The following ADGRL3 variants were observed in gnomAD, a reference collection of about 807,000 sequenced individuals.
ADGRL3 encodes the protein calcium-independent alpha-latrotoxin receptor 3.
Under a neutral mutation model 153.5 loss-of-function variants are expected in ADGRL3, and 62 were observed. The ratio of observed to expected loss-of-function variants is 0.40; its 90% CI spans 0.33 to 0.50. ADGRL3 has a LOEUF of 0.50. Ranked by LOEUF, ADGRL3 falls within the 20% of genes least tolerant of loss-of-function variation. The probability of loss-of-function intolerance (pLI) is 0.47; values close to 1 mark genes in which losing one functional copy is unlikely to be tolerated. For synonymous variants in ADGRL3, 710 were observed against 672.5 expected (o/e 1.06, Z -0.86); for missense variants, 1,641 against 1,859.4 (o/e 0.88, Z 2.16).
At position 61,354,895 on chromosome 4, in the gene ADGRL3, A is replaced by G. The variant is rs1222290388; in HGVS notation, c.-239-28229A>G. The stretch of plus-strand genomic sequence containing the variant: ...TTTTGTGACCTTTGTTTCTCATTTT[A>G]GTTTATACTTGCTACAACAGGTCAG... On this transcript the variant is annotated intron_variant, in intron 1 of 26. Transcript: ENST00000683033. Among the ~76,000 whole-genome samples the G allele has an allele frequency of 3.9e-5, 6 of 152,148 alleles. No homozygotes were observed. In the East Asian group the frequency reaches 7.7e-4, roughly 20 times the overall value.
intron 9 of ADGRL3, among the ~76,000 whole-genome samples, chr4:61,842,340 T>C (rs549145367): frequency 1.7e-4 from 26 of 152,206 alleles, no homozygotes; most frequent in Non-Finnish European, 3.2e-4. Flanking sequence ...GATAAGTATA[T>C]GATCAAGTTT....
chr4:61,678,413 A>T (rs1212048627), intron 6 of ADGRL3, among the ~76,000 whole-genome samples: 1 of 152,000 alleles, frequency 6.6e-6, no homozygotes, highest in African/African-American at 2.4e-5. Flanking sequence ...TTAATTAAAG[A>T]ATTTCACGGC....
At chr4:61,769,193 G>T (rs2152291087) in intron 8 of ADGRL3, among the ~76,000 whole-genome samples, 1 of 152,224 alleles carries the variant, frequency 6.6e-6, no homozygotes, top group Admixed American at 6.5e-5. Context: ...AATACCAAGG[G>T]AAGGCTGCCT....
At chr4:61,484,176 A>G (rs1157086854) in intron 2 of ADGRL3, among the ~76,000 whole-genome samples, 1 of 152,030 alleles carries the variant, frequency 6.6e-6, no homozygotes, top group African/African-American at 2.4e-5. Flanking sequence ...AGTTTATCCT[A>G]ATGCTGCTCC....
At chr4:61,231,389 C>T (rs190731682) in intron 1 of ADGRL3, among the ~76,000 whole-genome samples, 1 of 152,256 alleles carries the variant, frequency 6.6e-6, no homozygotes, top group East Asian at 1.9e-4. Context: ...AAGAGACCAA[C>T]AGCTGACTAG....
intron 5 of ADGRL3, among the ~76,000 whole-genome samples, chr4:61,599,447 C>T (rs2099001947): frequency 6.6e-6 from 1 of 152,196 alleles, no homozygotes. Context: ...ATTCTCCCGC[C>T]TCAGCCTCCT....
chr4:61,907,643 A>T, intron 11 of ADGRL3, among the ~76,000 whole-genome samples: 1 of 150,492 alleles, frequency 6.6e-6, no homozygotes, highest in East Asian at 1.9e-4. Context: ...TACACATGAT[A>T]TATATATATA....
At chr4:61,922,549 C>A (rs2149997355) in intron 13 of ADGRL3, among the ~76,000 whole-genome samples, 1 of 152,172 alleles carries the variant, frequency 6.6e-6, no homozygotes, top group East Asian at 1.9e-4. Flanking sequence ...GTTTTAGGAT[C>A]CTATCCAGGA....
intron 2 of ADGRL3, among the ~76,000 whole-genome samples, chr4:61,479,352 A>G (rs1402847000): frequency 1.3e-5 from 2 of 152,074 alleles, no homozygotes; most frequent in Admixed American, 1.3e-4. Flanking sequence ...CCCCCCATGC[A>G]AGGGCCATTC....
At chr4:61,586,554 C>T (rs936158593) in intron 4 of ADGRL3, among the ~76,000 whole-genome samples, 10 of 151,734 alleles carry the variant, frequency 6.6e-5, no homozygotes, top group African/African-American at 9.7e-5. Flanking sequence ...AAAAGAGGAG[C>T]GGGAGAACAC....
chr4:61,551,916 A>T (rs2098742128), intron 4 of ADGRL3, among the ~76,000 whole-genome samples: 1 of 152,166 alleles, frequency 6.6e-6, no homozygotes, highest in South Asian at 2.1e-4. Context: ...ATTGTATAAG[A>T]CGCTTGTGTG....
rs1246184195 is a variant in ADGRL3 at position 62,075,910 on chromosome 4, T to C, written c.*5002T>C. On this transcript the variant is annotated 3_prime_UTR_variant, in exon 27 of 27. Coordinates refer to ENST00000683033, the MANE Select transcript of ADGRL3 (RefSeq NM_001387552.1). ...GTAGGCTAGCAGAACTTAAATGTGT[T>C]GGTAGTTGCTTCTTTCCTGATTAGG... The C allele has an allele frequency of 6.6e-6, 1 of 152,174 alleles. No individual in the cohort carries two copies. Among genetic ancestry groups the C allele is most frequent in the East Asian group, 1.9e-4 (1 of 5,198 alleles). The allele number at this position is 152,174 out of a possible 1,614,324, so 9.4% of individuals were successfully genotyped here.
chr4:61,800,153 A>T (rs761794031), intron 8 of ADGRL3, among the ~76,000 whole-genome samples: 9 of 152,230 alleles, frequency 5.9e-5, no homozygotes, highest in Non-Finnish European at 1.0e-4. Context: ...AAGGGCTAGC[A>T]AAAAGAAACC....
At chr4:61,732,446 T>C (rs971564107) in intron 7 of ADGRL3, among the ~76,000 whole-genome samples, 1 of 152,166 alleles carries the variant, frequency 6.6e-6, no homozygotes, top group African/African-American at 2.4e-5. Context: ...ATAGAATACA[T>C]AGACATATGT....
intron 8 of ADGRL3, among the ~76,000 whole-genome samples, chr4:61,778,041 C>T (rs1382241049): frequency 2.0e-5 from 3 of 152,132 alleles, no homozygotes; most frequent in Non-Finnish European, 4.4e-5. Context: ...GTGTCAACAA[C>T]CTCCCACAAA....
At chr4:61,527,009 C>G (rs978385337) in intron 4 of ADGRL3, among the ~76,000 whole-genome samples, 2 of 151,918 alleles carry the variant, frequency 1.3e-5, no homozygotes, top group Non-Finnish European at 2.9e-5. Flanking sequence ...TTGAAACTAG[C>G]CTTGAAATAT....
intron 9 of ADGRL3, among the ~76,000 whole-genome samples, chr4:61,868,564 G>C (rs1252860259): frequency 6.6e-6 from 1 of 152,066 alleles, no homozygotes; most frequent in African/African-American, 2.4e-5. Context: ...CACTACCACT[G>C]TCACTGTGAC....
intron 2 of ADGRL3, among the ~76,000 whole-genome samples, chr4:61,418,147 A>T (rs1272518496): frequency 6.6e-6 from 1 of 152,214 alleles, no homozygotes; most frequent in Non-Finnish European, 1.5e-5. Flanking sequence ...CAAAAGGCAC[A>T]TTTCATGTAA....
At chr4:61,429,447 T>A (rs1175487655) in intron 2 of ADGRL3, among the ~76,000 whole-genome samples, 1 of 152,160 alleles carries the variant, frequency 6.6e-6, no homozygotes, top group Non-Finnish European at 1.5e-5. Flanking sequence ...CATCAGTATG[T>A]GAATTCATGT....
Sources: gnomAD v4.1 joint callset for allele counts (sites outside exome capture counted in the v4.1 genomes callset) on GRCh38, gnomAD v4.1.1 for gene constraint, MANE v1.5 for transcripts, NCBI Gene and HGNC (gene_info 2026-07-23, HGNC 2026-07-21) for gene names.